Variants in LRRTM4 observed in about 807,000 individuals in gnomAD.
LRRTM4 encodes leucine-rich repeat transmembrane neuronal protein 4.
A neutral mutation model predicts 47.6 loss-of-function variants in LRRTM4; 25 were observed. That is an observed-to-expected ratio of 0.53 (90% confidence interval 0.38 to 0.73). LRRTM4 has a LOEUF of 0.73. Among genes scored for constraint, LRRTM4 ranks in the 30% least tolerant of loss-of-function variants. LRRTM4 has a pLI of 0.00. For synonymous variants in LRRTM4, 311 were observed against 269.5 expected (o/e 1.15, Z -1.51); for missense variants, 638 against 713.4 (o/e 0.89, Z 1.20).
At chr2:76,985,290 T>A (rs1676754261) in intron 3 of LRRTM4, among the ~76,000 whole-genome samples, 1 of 152,024 alleles carries the variant, frequency 6.6e-6, no homozygotes, top group Admixed American at 6.6e-5. Flanking sequence ...CACCTGTGAA[T>A]TAAATGGTGG....
intron 3 of LRRTM4, among the ~76,000 whole-genome samples, chr2:77,417,802 C>A (rs565467165): frequency 4.1e-4 from 62 of 152,058 alleles, no homozygotes; most frequent in African/African-American, 1.3e-3. Flanking sequence ...TTGAGATATA[C>A]CTAATGTTAA....
intron 3 of LRRTM4, among the ~76,000 whole-genome samples, chr2:77,088,595 C>T (rs930504055): frequency 6.6e-6 from 1 of 152,134 alleles, no homozygotes; most frequent in Non-Finnish European, 1.5e-5. Flanking sequence ...GGACTCAGCC[C>T]GCCTGCACCC....
intron 3 of LRRTM4, among the ~76,000 whole-genome samples, chr2:76,802,740 G>A (rs1297710417): frequency 1.3e-5 from 2 of 151,936 alleles, no homozygotes; most frequent in Non-Finnish European, 2.9e-5. Flanking sequence ...AATCAAAACA[G>A]CACAATACTG....
chr2:77,369,214 T>C (rs11126606), intron 3 of LRRTM4, among the ~76,000 whole-genome samples: 48,274 of 151,614 alleles, frequency 0.32, 8,781 homozygotes, highest in East Asian at 0.56. Flanking sequence ...TATTTCCAAT[T>C]ATATATTTTC....
intron 3 of LRRTM4, among the ~76,000 whole-genome samples, chr2:77,029,335 A>C (rs1412745850): frequency 6.6e-6 from 1 of 152,016 alleles, no homozygotes; most frequent in East Asian, 1.9e-4. Context: ...TCCGAGTCCC[A>C]AAACCTCAAA....
At chr2:77,489,110 T>C (rs1349663663) in intron 3 of LRRTM4, among the ~76,000 whole-genome samples, 2 of 131,454 alleles carry the variant, frequency 1.5e-5, no homozygotes, top group Admixed American at 7.9e-5. Flanking sequence ...GTGTTAGTAA[T>C]ACATATAATG....
chr2:76,816,712 G>A (rs1670906088), intron 3 of LRRTM4, among the ~76,000 whole-genome samples: 1 of 150,940 alleles, frequency 6.6e-6, no homozygotes, highest in Non-Finnish European at 1.5e-5. Flanking sequence ...TTCAGCTGAT[G>A]ACACTATTCA....
intron 3 of LRRTM4, among the ~76,000 whole-genome samples, chr2:76,876,499 T>TA (rs974831174): frequency 5.3e-5 from 8 of 151,990 alleles, no homozygotes; most frequent in East Asian, 1.9e-4. Flanking sequence ...GATAAAAATG[T>TA]AAAAAAAGGA....
At position 76,776,538 on chromosome 2, in the gene LRRTM4, T is replaced by G. The variant is rs1355392798; in HGVS notation, c.1552-27622A>C. Among the ~76,000 whole-genome samples the G allele has an allele frequency of 7.9e-5, 12 of 152,352 alleles. No individual in the cohort carries two copies. In the East Asian group the frequency reaches 2.3e-3, roughly 29 times the overall value. On this transcript the variant is annotated intron_variant, in intron 3 of 3. Transcript: ENST00000409884. ...GATGAGCATTTTTTCATGTGTTTTT[T>G]GGCTGCATAAATGTCTTCTTTTGAG...
At chr2:77,476,434 A>C (rs1024698955) in intron 3 of LRRTM4, among the ~76,000 whole-genome samples, 2 of 152,154 alleles carry the variant, frequency 1.3e-5, no homozygotes, top group African/African-American at 4.8e-5. Context: ...ATGCAACAAA[A>C]GCCATACATT....
intron 3 of LRRTM4, among the ~76,000 whole-genome samples, chr2:76,990,879 G>A (rs1676980629): frequency 6.6e-6 from 1 of 151,420 alleles, no homozygotes; most frequent in Non-Finnish European, 1.5e-5. Context: ...CATACTGTAA[G>A]ATTGACCACA....
At chr2:77,298,477 T>A (rs918069856) in intron 3 of LRRTM4, among the ~76,000 whole-genome samples, 1 of 152,178 alleles carries the variant, frequency 6.6e-6, no homozygotes, top group African/African-American at 2.4e-5. Flanking sequence ...GACCTCATGA[T>A]CCGCCCGCCT....
intron 3 of LRRTM4, among the ~76,000 whole-genome samples, chr2:77,480,827 GAGAGAGAGAGAGAGA>G (rs1360405853): frequency 1.9e-4 from 10 of 51,420 alleles, no homozygotes; most frequent in Non-Finnish European, 3.2e-4. Context: ...TGTGTGGAGA[GAGAGAGAGAGAGAGA>G]GAGAGAGAGA....
chr2:77,299,955 GA>G (rs796872316), intron 3 of LRRTM4, among the ~76,000 whole-genome samples: 2 of 147,974 alleles, frequency 1.4e-5, no homozygotes, highest in African/African-American at 5.0e-5. Flanking sequence ...AGGTTCAAAC[GA>G]TTCTCCTGCC....
chr2:76,748,895 A>C lies in LRRTM4; in HGVS notation c.1573T>G (p.Leu525Val). 1 of 1,614,000 alleles carries C rather than the reference A, an allele frequency of 6.2e-7. No homozygotes were observed. Among genetic ancestry groups the C allele is most frequent in the African/African-American group, 1.3e-5 (1 of 75,058 alleles). Reference sequence around the variant, plus strand: ...GGCTGGTCATAGCTGTAATATGGCAAGGGCTTCATGTGGTGTGGCATCTGG... The same window carrying C: ...GGCTGGTCATAGCTGTAATATGGCACGGGCTTCATGTGGTGTGGCATCTGG... ...ECEMPHHMKP[L>V]PYYSYDQPVI... is the part of the protein sequence containing the mutation. Residue 525 changes from leucine (L) to valine (V), a missense_variant, in exon 4 of 4, where the codon TTG becomes GTG. Leu to Val is a conservative substitution (Grantham distance 32). Coordinates refer to ENST00000409884, the MANE Select transcript of LRRTM4 (RefSeq NM_001134745.3).
At chr2:76,844,280 G>T (rs56720568) in intron 3 of LRRTM4, among the ~76,000 whole-genome samples, 1 of 151,594 alleles carries the variant, frequency 6.6e-6, no homozygotes, top group Non-Finnish European at 1.5e-5. Flanking sequence ...GACTACAGAC[G>T]CATGCCACCA....
At chr2:76,889,173 A>C (rs1279302319) in intron 3 of LRRTM4, among the ~76,000 whole-genome samples, 1 of 151,908 alleles carries the variant, frequency 6.6e-6, no homozygotes, top group African/African-American at 2.4e-5. Context: ...TGATTAGATT[A>C]ACTGTAATTA....
chr2:77,422,619 A>G (rs1036762558), intron 3 of LRRTM4, among the ~76,000 whole-genome samples: 4 of 152,228 alleles, frequency 2.6e-5, no homozygotes, highest in Non-Finnish European at 4.4e-5. Context: ...ATTTGAAAAA[A>G]TAGAATATTT....
intron 3 of LRRTM4, among the ~76,000 whole-genome samples, chr2:76,813,431 C>G (rs1188936478): frequency 6.6e-6 from 1 of 152,100 alleles, no homozygotes; most frequent in East Asian, 1.9e-4. Flanking sequence ...AAGCCCAAGT[C>G]TGAAGACAAT....
Sources: gnomAD v4.1 joint callset for allele counts (sites outside exome capture counted in the v4.1 genomes callset) on GRCh38, gnomAD v4.1.1 for gene constraint, MANE v1.5 for transcripts, NCBI Gene and HGNC (gene_info 2026-07-23, HGNC 2026-07-21) for gene names.